ARHGAP15: variants seen among roughly 807,000 people sequenced by gnomAD.
ARHGAP15 encodes the protein rho GTPase-activating protein 15.
ARHGAP15 carries 51 observed loss-of-function variants against 63.7 expected under a neutral mutation model. The ratio of observed to expected loss-of-function variants is 0.80; its 90% CI spans 0.64 to 1.01. The LOEUF is 1.01. Among genes scored for constraint, ARHGAP15 ranks in the 50% least tolerant of loss-of-function variants. The pLI, the probability that ARHGAP15 is intolerant of heterozygous loss-of-function variation, is 0.00. For synonymous variants in ARHGAP15, 191 were observed against 193.8 expected, an observed-to-expected ratio of 0.99 and a Z score of 0.12; for missense variants, 560 against 564.6, an observed-to-expected ratio of 0.99 and a Z score of 0.08.
intron 6 of ARHGAP15, among the ~76,000 whole-genome samples, chr2:143,282,541 C>T (rs2105087361): frequency 6.6e-6 from 1 of 152,132 alleles, no homozygotes; most frequent in South Asian, 2.1e-4. Context: ...CAGAACAGCA[C>T]AAGAAAGACC....
At chr2:143,666,751 T>C (rs1179177043) in intron 12 of ARHGAP15, among the ~76,000 whole-genome samples, 1 of 143,682 alleles carries the variant, frequency 7.0e-6, no homozygotes, top group East Asian at 2.0e-4. Flanking sequence ...CATCAGAAAG[T>C]GGGCTAAGGA....
At chr2:143,748,825 C>T (rs1686263686) in intron 13 of ARHGAP15, among the ~76,000 whole-genome samples, 1 of 152,090 alleles carries the variant, frequency 6.6e-6, no homozygotes, top group South Asian at 2.1e-4. Flanking sequence ...CATAGTTTTC[C>T]CCTGGGATAT....
chr2:143,154,985 G>T (rs944988746), intron 1 of ARHGAP15, among the ~76,000 whole-genome samples: 1 of 151,744 alleles, frequency 6.6e-6, no homozygotes, highest in Non-Finnish European at 1.5e-5. Context: ...TGGGGGTAGG[G>T]GCTCTGGGGT....
chr2:143,704,666 T>C (rs1684246857), intron 13 of ARHGAP15, among the ~76,000 whole-genome samples: 1 of 152,212 alleles, frequency 6.6e-6, no homozygotes, highest in Non-Finnish European at 1.5e-5. Context: ...ACGCAAGTTA[T>C]GAGGTTTTAG....
intron 2 of ARHGAP15, among the ~76,000 whole-genome samples, chr2:143,195,067 A>T (rs16858788): frequency 0.16 from 24,781 of 152,086 alleles, 2,185 homozygotes; most frequent in Middle Eastern, 0.24. Flanking sequence ...ACACTTTTTT[A>T]AAAATCTGAT....
intron 12 of ARHGAP15, among the ~76,000 whole-genome samples, chr2:143,675,548 TG>T (rs1198226529): frequency 6.6e-6 from 1 of 152,222 alleles, no homozygotes; most frequent in Non-Finnish European, 1.5e-5. Context: ...CCTTGATCCA[TG>T]GGCTGCAGAA....
At chr2:143,211,519 C>T (rs1692562808) in intron 3 of ARHGAP15, among the ~76,000 whole-genome samples, 1 of 151,946 alleles carries the variant, frequency 6.6e-6, no homozygotes, top group Non-Finnish European at 1.5e-5. Context: ...ATAGCAGCTG[C>T]CTCGTTATTA....
chr2:143,250,132 G>C lies in ARHGAP15; in HGVS notation c.385-379G>C, dbSNP rs142686350. The stretch of plus-strand genomic sequence containing the variant: ...TTTTCTTTTACTGTTAGGTCTAAAA[G>C]TAATATAACTTAACATGCTTTTATG... On this transcript the variant is annotated intron_variant, in intron 5 of 13. Transcript: ENST00000295095. Among the ~76,000 whole-genome samples, 6 of 152,104 alleles carry C rather than the reference G, an allele frequency of 3.9e-5. No individual in the cohort carries two copies. In the East Asian group the frequency reaches 1.2e-3, roughly 29 times the overall value.
At chr2:143,429,292 G>C (rs1302782941) in intron 6 of ARHGAP15, among the ~76,000 whole-genome samples, 1 of 150,894 alleles carries the variant, frequency 6.6e-6, no homozygotes, top group African/African-American at 2.4e-5. Flanking sequence ...GAAAGTTAGA[G>C]TGGGCAAGTA....
chr2:143,566,034 T>C (rs948603915), intron 11 of ARHGAP15, among the ~76,000 whole-genome samples: 12 of 152,176 alleles, frequency 7.9e-5, no homozygotes, highest in South Asian at 2.1e-4. Flanking sequence ...AGAAAAAAAG[T>C]ATTCTCATCT....
Position 143,548,333 on chromosome 2 carries a change from A to T in ARHGAP15, c.926-8075A>T, listed in dbSNP as rs139570198. Among the ~76,000 whole-genome samples, 475 of 152,168 alleles carry T rather than the reference A, an allele frequency of 3.1e-3. 1 individual carries two copies. Among genetic ancestry groups the T allele is most frequent in the Middle Eastern group, 0.027 (8 of 292 alleles). On this transcript the variant is annotated intron_variant, in intron 10 of 13. Coordinates refer to ENST00000295095, the MANE Select transcript of ARHGAP15 (RefSeq NM_018460.4). ...TTTCTGATTCAAGAGTCTATTTGAT[A>T]TCACCTTCTTCTTAGTATATATGTA...
intron 11 of ARHGAP15, among the ~76,000 whole-genome samples, chr2:143,584,670 T>C (rs1028826009): frequency 6.6e-5 from 10 of 152,012 alleles, no homozygotes; most frequent in Non-Finnish European, 5.9e-5. Context: ...ATAATACATA[T>C]CTACAAAAGC....
At chr2:143,687,985 ATATT>A (rs1314631387) in intron 12 of ARHGAP15, among the ~76,000 whole-genome samples, 2 of 152,164 alleles carry the variant, frequency 1.3e-5, no homozygotes, top group African/African-American at 4.8e-5. Context: ...AAAATAATAA[ATATT>A]TATTGAAGTT....
At chr2:143,342,001 G>A (rs559351822) in intron 6 of ARHGAP15, among the ~76,000 whole-genome samples, 2 of 152,212 alleles carry the variant, frequency 1.3e-5, no homozygotes, top group African/African-American at 4.8e-5. Context: ...ACCCTATTTT[G>A]TATTTAGCTT....
intron 6 of ARHGAP15, among the ~76,000 whole-genome samples, chr2:143,410,534 G>T (rs145058097): frequency 1.3e-5 from 2 of 152,250 alleles, no homozygotes; most frequent in South Asian, 2.1e-4. Flanking sequence ...TTAGTTGAGC[G>T]CCTACTTTGC....
chr2:143,486,408 C>CAAAAAAAAAAA (rs35904219), intron 8 of ARHGAP15, among the ~76,000 whole-genome samples: 31 of 133,332 alleles, frequency 2.3e-4, no homozygotes, highest in Admixed American at 1.2e-3. Context: ...CCATTTCTAC[C>CAAAAAAAAAAA]AAAAAAAAAA....
chr2:143,266,492 G>A (rs1320157923), intron 6 of ARHGAP15, among the ~76,000 whole-genome samples: 1 of 152,152 alleles, frequency 6.6e-6, no homozygotes, highest in Non-Finnish European at 1.5e-5. Flanking sequence ...AGTTGCCATT[G>A]TATGAAGGTA....
intron 6 of ARHGAP15, among the ~76,000 whole-genome samples, chr2:143,418,768 G>GT (rs948850970): frequency 3.3e-5 from 5 of 151,842 alleles, no homozygotes; most frequent in African/African-American, 4.8e-5. Flanking sequence ...TATGAGAGGG[G>GT]TTTTTTTCCC....
At chr2:143,664,278 C>A (rs1406828587) in intron 12 of ARHGAP15, among the ~76,000 whole-genome samples, 3 of 152,052 alleles carry the variant, frequency 2.0e-5, no homozygotes, top group Non-Finnish European at 4.4e-5. Flanking sequence ...CAAAACCGCT[C>A]AACTACATGG....
Sources: gnomAD v4.1 joint callset for allele counts (sites outside exome capture counted in the v4.1 genomes callset) on GRCh38, gnomAD v4.1.1 for gene constraint, MANE v1.5 for transcripts, NCBI Gene and HGNC (gene_info 2026-07-23, HGNC 2026-07-21) for gene names.